Variants in HCRTR2 observed in about 807,000 individuals in gnomAD.
The protein encoded by HCRTR2 is hypocretin receptor 2, also known as orexin receptor type 2.
HCRTR2 carries 22 observed loss-of-function variants against 49.0 expected under a neutral mutation model. The observed-to-expected ratio is 0.45, with a 90% confidence interval of 0.32 to 0.64. The LOEUF is 0.64. Ranked by LOEUF, HCRTR2 falls within the 30% of genes least tolerant of loss-of-function variation. The pLI, the probability that HCRTR2 is intolerant of heterozygous loss-of-function variation, is 0.04. For synonymous variants in HCRTR2, 236 were observed against 205.3 expected, an observed-to-expected ratio of 1.15 and a Z score of -1.28; for missense variants, 491 against 559.4, an observed-to-expected ratio of 0.88 and a Z score of 1.23.
intron 4 of HCRTR2, among the ~76,000 whole-genome samples, chr6:55,272,106 AC>A (rs1247999406): frequency 6.6e-6 from 1 of 152,150 alleles, no homozygotes; most frequent in Non-Finnish European, 1.5e-5. Context: ...AGTGGAAACA[AC>A]CCAAATGTTA....
At chr6:55,183,135 A>T (rs776356257) in intron 1 of HCRTR2, among the ~76,000 whole-genome samples, 6 of 152,242 alleles carry the variant, frequency 3.9e-5, no homozygotes, top group Non-Finnish European at 8.8e-5. Context: ...TTTGAAAGAT[A>T]GACACATAAA....
intron 1 of HCRTR2, among the ~76,000 whole-genome samples, chr6:55,222,904 A>G (rs761235630): frequency 6.6e-6 from 1 of 152,178 alleles, no homozygotes; most frequent in African/African-American, 2.4e-5. Flanking sequence ...GTTCACTTAA[A>G]TATGTGTTAG....
intron 1 of HCRTR2, among the ~76,000 whole-genome samples, chr6:55,126,269 T>C (rs190098900): frequency 6.6e-6 from 1 of 152,278 alleles, no homozygotes; most frequent in Admixed American, 6.5e-5. Flanking sequence ...CTACCTTTGG[T>C]CTTTGATGTG....
intron 1 of HCRTR2, among the ~76,000 whole-genome samples, chr6:55,244,403 C>T (rs1391151943): frequency 3.3e-5 from 5 of 151,776 alleles, no homozygotes; most frequent in Non-Finnish European, 7.4e-5. Flanking sequence ...CATGGGGAAA[C>T]TATTAGGAGG....
chr6:55,121,738 G>A (rs1764202771), intron 1 of HCRTR2, among the ~76,000 whole-genome samples: 1 of 152,006 alleles, frequency 6.6e-6, no homozygotes, highest in Admixed American at 6.6e-5. Flanking sequence ...TTTGTCTTTG[G>A]TTCTGTTTAT....
At chr6:55,269,596 C>CA (rs1766932631) in intron 4 of HCRTR2, among the ~76,000 whole-genome samples, 1 of 151,844 alleles carries the variant, frequency 6.6e-6, no homozygotes, top group Non-Finnish European at 1.5e-5. Context: ...ATGAAATTAA[C>CA]AAAAAATAAT....
intron 1 of HCRTR2, among the ~76,000 whole-genome samples, chr6:55,144,686 TC>T (rs926906533): frequency 1.5e-4 from 23 of 152,064 alleles, no homozygotes; most frequent in African/African-American, 5.6e-4. Flanking sequence ...GATAATCTGC[TC>T]CCTCGCCTGC....
intron 1 of HCRTR2, among the ~76,000 whole-genome samples, chr6:55,146,600 T>TC (rs942834295): frequency 5.3e-5 from 8 of 151,892 alleles, no homozygotes; most frequent in African/African-American, 1.4e-4. Context: ...AAACAAGCTT[T>TC]TTTTTTCTCC....
chr6:55,231,899 T>A (rs547797204), intron 1 of HCRTR2, among the ~76,000 whole-genome samples: 1 of 152,256 alleles, frequency 6.6e-6, no homozygotes, highest in South Asian at 2.1e-4. Context: ...TACATCAAAT[T>A]TAACGTGTTC....
At chr6:55,238,271 C>A in intron 1 of HCRTR2, among the ~76,000 whole-genome samples, 1 of 152,138 alleles carries the variant, frequency 6.6e-6, no homozygotes, top group South Asian at 2.1e-4. Flanking sequence ...ATATCTAATC[C>A]CTCACTAAGG....
chr6:55,174,406 A>C, upstream of HCRTR2: 1 of 650,798 alleles, frequency 1.5e-6, no homozygotes, highest in Non-Finnish European at 2.8e-6. Context: ...CAGCAAAGCC[A>C]CCGCAGAAGT....
At chr6:55,230,758 G>A (rs1329946757) in intron 1 of HCRTR2, among the ~76,000 whole-genome samples, 2 of 152,020 alleles carry the variant, frequency 1.3e-5, no homozygotes, top group African/African-American at 2.4e-5. Flanking sequence ...TATGCTGAAC[G>A]AATGAATTAA....
rs372433479 is a variant in HCRTR2, at chr6:55,132,306, C to T, written c.-378+25761C>T. ...ACACATTTTAAGTGAGAATGAGTAACCTAAGGGTAGCAAGTAGGTTTTAGC... is the reference window on the plus strand; with the variant it reads ...ACACATTTTAAGTGAGAATGAGTAATCTAAGGGTAGCAAGTAGGTTTTAGC... On this transcript the variant is annotated intron_variant, in intron 1 of 7. Coordinates refer to the HCRTR2 transcript ENST00000615358. Among the ~76,000 whole-genome samples the T allele has an allele frequency of 9.9e-5, 15 of 151,784 alleles. No homozygotes were observed. The East Asian group carries it at 1.2e-3, about 12-fold the overall frequency.
chr6:55,270,054 C>T (rs1012245449), intron 4 of HCRTR2, among the ~76,000 whole-genome samples: 1 of 152,030 alleles, frequency 6.6e-6, no homozygotes, highest in East Asian at 1.9e-4. Flanking sequence ...GTTATAATTC[C>T]CTAAAAAGAG....
rs575668041 is a variant in HCRTR2, at chr6:55,199,774, G to C, written c.223+24964G>C. On this transcript the variant is annotated intron_variant, in intron 1 of 6. Transcript: ENST00000370862. ...AAGGCTTCATCATAATTGACAATAT[G>C]GGAAAATACTGTATTAAAATCCTAG... Among the ~76,000 whole-genome samples the C allele has an allele frequency of 4.6e-5, 7 of 152,182 alleles. No individual in the cohort carries two copies. The South Asian group carries it at 1.2e-3, about 27-fold the overall frequency.
At chr6:55,231,926 TCTC>T (rs1302771539) in intron 1 of HCRTR2, among the ~76,000 whole-genome samples, 1 of 152,112 alleles carries the variant, frequency 6.6e-6, no homozygotes, top group African/African-American at 2.4e-5. Context: ...AAACTCATAA[TCTC>T]CTCATCTCCA....
chr6:55,251,060 G>A (rs1029283206), intron 2 of HCRTR2, among the ~76,000 whole-genome samples: 1 of 152,050 alleles, frequency 6.6e-6, no homozygotes, highest in Admixed American at 6.6e-5. Context: ...AGTGCCAATG[G>A]GCAATAAACA....
At chr6:55,187,033 C>T (rs1487497293) in intron 1 of HCRTR2, among the ~76,000 whole-genome samples, 2 of 151,942 alleles carry the variant, frequency 1.3e-5, no homozygotes, top group African/African-American at 2.4e-5. Context: ...CTAATCCCAT[C>T]TAATTCTGCC....
chr6:55,225,472 T>G (rs1189496095), intron 1 of HCRTR2, among the ~76,000 whole-genome samples: 2 of 152,188 alleles, frequency 1.3e-5, no homozygotes, highest in Admixed American at 6.5e-5. Context: ...CAAAGGCATA[T>G]GAGTTATCAT....
Sources: allele counts gnomAD v4.1 joint callset (sites outside exome capture counted in the v4.1 genomes callset), GRCh38; gene constraint gnomAD v4.1.1; transcripts MANE v1.5; gene names NCBI Gene and HGNC (gene_info 2026-07-23, HGNC 2026-07-21).